HADHA: variants seen among roughly 807,000 people sequenced by gnomAD.
HADHA encodes the protein hydroxyacyl-CoA dehydrogenase trifunctional multienzyme complex subunit alpha.
Under a neutral mutation model 91.3 loss-of-function variants are expected in HADHA, and 59 were observed. That is an observed-to-expected ratio of 0.65 (90% CI 0.52 to 0.80). The LOEUF (loss-of-function observed/expected upper bound fraction) is 0.80, where lower values mean the gene tolerates loss of function less well. HADHA is among the 30% of genes least tolerant of loss of function. HADHA has a pLI of 0.00. For synonymous variants in HADHA, 320 were observed against 338.9 expected, an observed-to-expected ratio of 0.94 and a Z score of 0.61; for missense variants, 800 against 927.6, an observed-to-expected ratio of 0.86 and a Z score of 1.79.
rs1238434732 is a variant in HADHA at position 26,221,518 on chromosome 2, G to A, written c.677-6343C>T. On this transcript the variant is annotated intron_variant, in intron 7 of 19. Coordinates refer to ENST00000380649, the MANE Select transcript of HADHA (RefSeq NM_000182.5). This position sits in a 1 kb window ranked among gnomAD's most constrained non-coding sequence, Gnocchi z 4.8. The stretch of plus-strand genomic sequence containing the variant: ...AACCTACTAAGCCATAAAGTGGGGT[G>A]TACACGGTAGCACTCCATTATCAAA... Among the ~76,000 whole-genome samples the A allele has an allele frequency of 6.6e-6, 1 of 152,186 alleles. No individual in the cohort carries two copies. Among genetic ancestry groups the A allele is most frequent in the South Asian group, 2.1e-4 (1 of 4,824 alleles).
Position 26,222,665 on chromosome 2 carries a change from T to C in HADHA, c.677-7490A>G, listed in dbSNP as rs183031879. Among the ~76,000 whole-genome samples, 6 of 152,244 alleles carry C rather than the reference T, an allele frequency of 3.9e-5. No individual in the cohort carries two copies. In the East Asian group the frequency reaches 9.7e-4, roughly 25 times the overall value. On this transcript the variant is annotated intron_variant, in intron 7 of 19. Coordinates refer to ENST00000380649, the MANE Select transcript of HADHA (RefSeq NM_000182.5). ...ACCAATTTGTGGTAAGTGGACTTAT[T>C]TGTGGACTTATAGAGTACCTTATGG...
At chr2:26,235,341 G>A (rs1220895970) in intron 4 of HADHA, 4 of 152,102 alleles carry the variant, frequency 2.6e-5, no homozygotes, top group African/African-American at 9.6e-5. Flanking sequence ...ATGATCAGGT[G>A]CAATGATGTT....
chr2:26,236,669 C>T (rs1289379554), intron 4 of HADHA, among the ~76,000 whole-genome samples, 186 bp downstream of exon 4: 1 of 152,008 alleles, frequency 6.6e-6, no homozygotes, highest in East Asian at 1.9e-4. Context: ...CCTGCCTCGG[C>T]CTCCCAAAGT....
chr2:26,214,613 TGTTA>T lies in HADHA; in HGVS notation c.800-56_800-53del, dbSNP rs1445247228. 2.1e-6 allele frequency: 2 copies of T among 935,062 alleles called. No homozygotes were observed. Among genetic ancestry groups the T allele is most frequent in the East Asian group, 2.4e-5 (1 of 41,840 alleles). The allele number at this position is 935,062 out of a possible 1,614,324, so 57.9% of individuals were successfully genotyped here. ...TTACTATAAAGAGCCTAGATTCCCT[TGTTA>T]GTTTATGCTCTAAACTCTATAAAAA... On this transcript the variant is annotated intron_variant, in intron 8 of 19. Coordinates refer to ENST00000380649, the MANE Select transcript of HADHA (RefSeq NM_000182.5). The surrounding 1 kb of genome is among the most constrained non-coding windows in gnomAD (Gnocchi z 4.1).
chr2:26,223,375 A>T (rs1001204901), intron 7 of HADHA, among the ~76,000 whole-genome samples: 5 of 152,100 alleles, frequency 3.3e-5, no homozygotes, highest in Non-Finnish European at 7.4e-5. Context: ...TAGTCAGTAG[A>T]AGATCACAAC....
rs959262773 is a variant in HADHA, at chr2:26,210,321, T to G, written c.976-432A>C. 6.6e-6 allele frequency among the ~76,000 whole-genome samples: 1 copy of G among 152,210 alleles called. No individual in the cohort carries two copies. Among genetic ancestry groups the G allele is most frequent in the South Asian group, 2.1e-4 (1 of 4,834 alleles). ...GCCTCAAAGTGGCAGAAATGGAACT[T>G]GAACCAAGACAGTATGACTCTGAAC... On this transcript the variant is annotated intron_variant, in intron 10 of 19. Coordinates refer to ENST00000380649, the MANE Select transcript of HADHA (RefSeq NM_000182.5). This position sits in a 1 kb window ranked among gnomAD's most constrained non-coding sequence, Gnocchi z 4.0.
At position 26,215,040 on chromosome 2, in the gene HADHA, C is replaced by A; in HGVS notation, c.799+13G>T. ...AAGAAGCTTTGCCTTTGTTCTTTAA[C>A]AATGATACTCACTTTCCACCAATCC... On this transcript the variant is annotated intron_variant, in intron 8 of 19. Coordinates refer to ENST00000380649, the MANE Select transcript of HADHA (RefSeq NM_000182.5). 1 of 1,605,608 alleles carries A rather than the reference C, an allele frequency of 6.2e-7. No homozygotes were observed. The highest frequency in any genetic ancestry group is 8.5e-7 in the Non-Finnish European group (1 of 1,172,324).
chr2:26,234,109 T>G (rs1452217939), intron 5 of HADHA, 108 bp downstream of exon 5: 1 of 1,101,814 alleles, frequency 9.1e-7, no homozygotes, highest in East Asian at 2.4e-5. Context: ...ACAAAGCGGA[T>G]TCTCCTCCAG....
At chr2:26,239,749 G>A (rs566908946) in intron 1 of HADHA, among the ~76,000 whole-genome samples, 2 of 152,050 alleles carry the variant, frequency 1.3e-5, no homozygotes, top group East Asian at 3.9e-4. Flanking sequence ...AAAGAAAACT[G>A]TGGTTAGCAC....
chr2:26,215,297 G>A, intron 7 of HADHA, 122 bp from the exon 8 acceptor site: 1 of 843,996 alleles, frequency 1.2e-6, no homozygotes, highest in South Asian at 1.3e-5. Flanking sequence ...ACTGGAGACT[G>A]GTAGGTGGCA....
chr2:26,197,651 C>G (rs1669710623), intron 14 of HADHA, 40 bp downstream of exon 14: 1 of 893,076 alleles, frequency 1.1e-6, no homozygotes. Context: ...GAATCTGAAG[C>G]AATAAAACAT....
At chr2:26,203,856 C>G (rs116579827) in intron 12 of HADHA, among the ~76,000 whole-genome samples, 1 of 152,038 alleles carries the variant, frequency 6.6e-6, no homozygotes, top group African/African-American at 2.4e-5. Flanking sequence ...TATAACAAAA[C>G]GAAGTCAAAG....
At position 26,236,480 on chromosome 2, in the gene HADHA, G is replaced by A. The variant is rs1377369891; in HGVS notation, c.314+375C>T. 5.3e-5 allele frequency among the ~76,000 whole-genome samples: 8 copies of A among 151,048 alleles called. No individual in the cohort carries two copies. The Admixed American group carries it at 5.3e-4, about 10-fold the overall frequency. On this transcript the variant is annotated intron_variant, in intron 4 of 19. Coordinates refer to ENST00000380649, the MANE Select transcript of HADHA (RefSeq NM_000182.5). Reference sequence around the variant, plus strand: ...GTCACCCAGGCTGGAGTGCAGTGGTGTGATCTCGGCTCACTGCAACCTCTG... The same window carrying A: ...GTCACCCAGGCTGGAGTGCAGTGGTATGATCTCGGCTCACTGCAACCTCTG...
intron 18 of HADHA, 107 bp from the exon 19 acceptor site, chr2:26,191,735 G>A (rs1669511738): frequency 8.7e-7 from 1 of 1,153,200 alleles, no homozygotes; most frequent in East Asian, 2.3e-5. Context: ...GAGCTCTGTG[G>A]GCCGGTTGGT....
At chr2:26,220,259 T>C (rs561731089) in intron 7 of HADHA, among the ~76,000 whole-genome samples, 44 of 152,180 alleles carry the variant, frequency 2.9e-4, no homozygotes, top group Admixed American at 4.6e-4. Context: ...ATTTTCCCAG[T>C]TTCAGAATGT....
intron 13 of HADHA, 55 bp downstream of exon 13, chr2:26,201,094 C>A: frequency 7.5e-7 from 1 of 1,341,212 alleles, no homozygotes; most frequent in Non-Finnish European, 1.1e-6. Flanking sequence ...AAAAAAAAAT[C>A]TCTGTGTTTT....
In HADHA at chr2:26,229,728, T is replaced by C. The variant is rs1335123342; in HGVS notation, c.676+464A>G. 6.6e-6 allele frequency among the ~76,000 whole-genome samples: 1 copy of C among 152,208 alleles called. No homozygotes were observed. Among genetic ancestry groups the C allele is most frequent in the East Asian group, 1.9e-4 (1 of 5,196 alleles). The stretch of plus-strand genomic sequence containing the variant: ...AAATCAGGGTGATGTTGAAAATGAT[T>C]TAGTATTAGCTATTTTATAAAACTT... On this transcript the variant is annotated intron_variant, in intron 7 of 19. Transcript: ENST00000380649. The surrounding 1 kb of genome is among the most constrained non-coding windows in gnomAD (Gnocchi z 4.3).
Position 26,191,167 on chromosome 2 carries a change from A to C in HADHA, c.*83T>G, listed in dbSNP as rs763715502. ...GAGTTTGTCTTCTCGTTACTCTGAT[A>C]AATCTAGACACCACTCTGTTGGAGA... is the stretch of plus-strand genomic sequence containing the variant. On this transcript the variant is annotated 3_prime_UTR_variant, in exon 20 of 20. Transcript: ENST00000380649. The C allele has an allele frequency of 7.2e-7, 1 of 1,397,348 alleles. No individual in the cohort carries two copies. Among genetic ancestry groups the C allele is most frequent in the Non-Finnish European group, 1.0e-6 (1 of 985,422 alleles). The allele number at this position is 1,397,348 out of a possible 1,614,324, so 86.6% of individuals were successfully genotyped here.
chr2:26,225,779 T>G (rs1413249944), intron 7 of HADHA, among the ~76,000 whole-genome samples: 8 of 152,178 alleles, frequency 5.3e-5, no homozygotes, highest in Non-Finnish European at 8.8e-5. Context: ...CTCCTAAGAC[T>G]GGGAACAAGT....
Sources: gnomAD v4.1 joint callset for allele counts (sites outside exome capture counted in the v4.1 genomes callset) on GRCh38, gnomAD v4.1.1 for gene constraint, Gnocchi (gnomAD v3.1) non-coding constraint, MANE v1.5 for transcripts, NCBI Gene and HGNC (gene_info 2026-07-23, HGNC 2026-07-21) for gene names.